Variants in MAP7D3 observed in about 807,000 individuals in gnomAD.
MAP7D3 encodes the protein MAP7 domain-containing protein 3.
MAP7D3 carries 45 observed loss-of-function variants against 62.2 expected under a neutral mutation model. The observed-to-expected ratio is 0.72, with a 90% CI of 0.57 to 0.93. The LOEUF is 0.93. MAP7D3 is among the 40% of genes least tolerant of loss of function. MAP7D3 has a pLI of 0.00. For missense variants in MAP7D3, 711 were observed against 683.1 expected (o/e 1.04, Z -0.45); for synonymous variants, 288 against 248.8 (o/e 1.16, Z -1.48).
rs866075049 is a variant in MAP7D3, at chrX:136,231,981, C to T, written c.976G>A (p.Gly326Ser). The T allele has an allele frequency of 2.5e-6, 3 of 1,210,488 alleles. No homozygotes were observed. The highest frequency in any genetic ancestry group is 3.4e-6 in the Non-Finnish European group (3 of 894,991). Residue 326 changes from glycine to serine, a missense_variant, in exon 8 of 19, where the codon GGT (glycine) becomes AGT (serine). By Grantham distance (56) the Gly-to-Ser change is moderately conservative. Transcript: ENST00000316077. ...NTSMEASPKA[G>S]VGMAPEVSTD... ...CTCACCTCAGGGGCCATGCCCACAC[C>T]TGCCTTGGGGGACGCTTCCATGCTT... is the stretch of plus-strand genomic sequence containing the variant.
At chrX:136,243,162 C>T in intron 4 of MAP7D3, among the ~76,000 whole-genome samples, 1 of 110,248 alleles carries the variant, frequency 9.1e-6, no homozygotes, top group Non-Finnish European at 1.9e-5. Flanking sequence ...GAGGAAGCTT[C>T]ATGGGAGAAA....
At position 136,227,277 on chromosome X, in the gene MAP7D3, A is replaced by T. The variant is rs777396181; in HGVS notation, c.2034+7T>A. Reference sequence around the variant, plus strand: ...TCATCCCCTGATAAAGTGTCAAGTCAGCAAACCTGCAGTGGTGCTTCCTGG... The same window carrying T: ...TCATCCCCTGATAAAGTGTCAAGTCTGCAAACCTGCAGTGGTGCTTCCTGG... On this transcript the variant is annotated splice_region_variant and intron_variant, in intron 12 of 18. Coordinates refer to ENST00000316077, the MANE Select transcript of MAP7D3 (RefSeq NM_024597.4). 9.9e-6 allele frequency: 12 copies of T among 1,208,554 alleles called. No individual in the cohort carries two copies. The East Asian group carries it at 3.3e-4, about 33-fold the overall frequency.
At chrX:136,249,800 C>T (rs779526109) in intron 1 of MAP7D3, among the ~76,000 whole-genome samples, 5 of 112,107 alleles carry the variant, frequency 4.5e-5, no homozygotes, top group Non-Finnish European at 7.5e-5. Context: ...GTCTAACATG[C>T]GATATTTACA....
intron 4 of MAP7D3, 31 bp from the exon 5 acceptor site, chrX:136,241,308 C>T: frequency 3.8e-6 from 3 of 787,092 alleles, no homozygotes; most frequent in Non-Finnish European, 5.6e-6. Flanking sequence ...CATATTTTTA[C>T]ATATTCATCA....
rs376263354 is a variant in MAP7D3, at chrX:136,241,223, C to T, written c.472G>A (p.Asp158Asn). The T allele has an allele frequency of 3.4e-6, 4 of 1,188,718 alleles. No individual in the cohort carries two copies. The highest frequency in any genetic ancestry group is 4.5e-6 in the Non-Finnish European group (4 of 882,678). ...RTLERRRLAD[D>N]YQQKRWSWGG... ...CATGACCATCTTTTTTGCTGATAAT[C>T]ATCAGCAAGTCTCCTCCGTTCCAAA... Residue 158 changes from aspartate (D) to asparagine (N), a missense_variant, in exon 5 of 19, where the codon GAT becomes AAT. By Grantham distance (23) the Asp-to-Asn change is conservative (BLOSUM62 1). Transcript: ENST00000316077.
chrX:136,219,039 C>T (rs1179208449), intron 18 of MAP7D3, among the ~76,000 whole-genome samples: 1 of 111,577 alleles, frequency 9.0e-6, no homozygotes, highest in Admixed American at 9.5e-5. Flanking sequence ...TTAGTAGAGA[C>T]AGGGTTTCAC....
intron 14 of MAP7D3, among the ~76,000 whole-genome samples, chrX:136,224,157 T>G (rs1474220247): frequency 9.2e-6 from 1 of 108,863 alleles, no homozygotes; most frequent in African/African-American, 3.3e-5. Flanking sequence ...TCCTAGCACT[T>G]TGGGAGGCTA....
intron 3 of MAP7D3, 118 bp from the exon 4 acceptor site, chrX:136,244,913 C>A: frequency 1.9e-6 from 1 of 520,884 alleles, no homozygotes; most frequent in Non-Finnish European, 3.1e-6. Flanking sequence ...TAAAATAACA[C>A]AACCTGTGCT....
At chrX:136,241,584 T>C (rs986234228) in intron 4 of MAP7D3, among the ~76,000 whole-genome samples, 5 of 111,958 alleles carry the variant, frequency 4.5e-5, no homozygotes, top group African/African-American at 1.6e-4. Context: ...TATACTTTTG[T>C]GCATGCTAAT....
intron 6 of MAP7D3, among the ~76,000 whole-genome samples, chrX:136,237,495 T>C (rs756015460): frequency 1.2e-4 from 14 of 112,367 alleles, no homozygotes; most frequent in Non-Finnish European, 2.6e-4. Flanking sequence ...AAGTTAAAGG[T>C]AAGACATTGT....
chrX:136,246,190 A>T (rs770187607), intron 2 of MAP7D3, 42 bp from the exon 3 acceptor site: 62 of 1,128,482 alleles, frequency 5.5e-5, no homozygotes, highest in Non-Finnish European at 7.4e-5. Flanking sequence ...TAGGATATCA[A>T]ATTTTAAAGA....
At chrX:136,241,320 A>C in intron 4 of MAP7D3, 43 bp from the exon 5 acceptor site, 1 of 743,040 alleles carries the variant, frequency 1.3e-6, no homozygotes. Context: ...TATTCATCAA[A>C]TTAGTATAAT....
intron 1 of MAP7D3, among the ~76,000 whole-genome samples, chrX:136,248,880 T>C (rs1336507901): frequency 8.9e-6 from 1 of 112,152 alleles, no homozygotes; most frequent in African/African-American, 3.2e-5. Flanking sequence ...TTGATTTAAC[T>C]GTAAATTTCA....
chrX:136,252,109 A>T (rs765694869), upstream of MAP7D3, among the ~76,000 whole-genome samples: 2 of 111,607 alleles, frequency 1.8e-5, no homozygotes, highest in East Asian at 5.7e-4. Context: ...ACCTCACTTC[A>T]TGGGGGCTTG....
intron 3 of MAP7D3, 96 bp from the exon 4 acceptor site, chrX:136,244,891 C>T: frequency 1.7e-6 from 1 of 600,073 alleles, no homozygotes; most frequent in South Asian, 3.0e-5. Flanking sequence ...TAACACATCT[C>T]ATTCACTTTC....
rs978858170 is a variant in MAP7D3 at position 136,249,457 on chromosome X, C to A, written c.70+1832G>T. Among the ~76,000 whole-genome samples the A allele has an allele frequency of 3.6e-5, 4 of 112,300 alleles. No homozygotes were observed. The Admixed American group carries it at 3.8e-4, about 11-fold the overall frequency. On this transcript the variant is annotated intron_variant, in intron 1 of 18. Coordinates refer to ENST00000316077, the MANE Select transcript of MAP7D3 (RefSeq NM_024597.4). The stretch of plus-strand genomic sequence containing the variant: ...ACAATTCTGCATAAAAATATAAACA[C>A]GTGTTTTGTTAAATATTTGGTATGC...
At chrX:136,252,676 C>CAAAAAAAA (rs770751343), upstream of MAP7D3, among the ~76,000 whole-genome samples, 63 of 36,013 alleles carry the variant, frequency 1.7e-3, no homozygotes, top group Middle Eastern at 0.083. Flanking sequence ...GACTCTGTCT[C>CAAAAAAAA]AAAAAAAAAA....
Position 136,251,398 on chromosome X carries a change from A to C in MAP7D3, c.-40T>G, listed in dbSNP as rs1455112548. 4 of 971,634 alleles carry C rather than the reference A, an allele frequency of 4.1e-6. No homozygotes were observed. Among genetic ancestry groups the C allele is most frequent in the East Asian group, 6.4e-5 (1 of 15,709 alleles). The allele number at this position is 971,634 out of a possible 1,213,427, so 80.1% of individuals were successfully genotyped here. A position where few individuals can be genotyped will look rare whatever the true frequency, so the allele number is the denominator to read the frequency against. ...GAGGCGGTGGTGGCTCTCCGCATAC[A>C]TTGCGCAGGCGTCGGCGCGGCCTCC... On this transcript the variant is annotated 5_prime_UTR_variant, in exon 1 of 19. The change abolishes an upstream ATG in the 5' untranslated region. Coordinates refer to ENST00000316077, the MANE Select transcript of MAP7D3 (RefSeq NM_024597.4).
chrX:136,224,876 A>G lies in MAP7D3; in HGVS notation c.2144T>C (p.Ile715Thr). ...LQERLERKKRIEEIMKRTRKT... is the reference protein window; with the variant it reads ...LQERLERKKRTEEIMKRTRKT... ...TCTTGTCCGCTTCATAATTTCTTCT[A>G]TTCTCTATTTAAAGGAAAATAAAAA... The change falls in exon 14 of 19, where the codon ATA (isoleucine) becomes ACA (threonine). Residue 715 changes from isoleucine to threonine, a missense_variant. Coordinates refer to ENST00000316077, the MANE Select transcript of MAP7D3 (RefSeq NM_024597.4). The G allele has an allele frequency of 8.7e-7, 1 of 1,147,021 alleles. No individual in the cohort carries two copies. The highest frequency in any genetic ancestry group is 1.2e-6 in the Non-Finnish European group (1 of 837,348). The allele number at this position is 1,147,021 out of a possible 1,213,427, so 94.5% of individuals were successfully genotyped here.
Sources: allele counts gnomAD v4.1 joint callset (sites outside exome capture counted in the v4.1 genomes callset), GRCh38; gene constraint gnomAD v4.1.1; transcripts MANE v1.5; gene names NCBI Gene and HGNC (gene_info 2026-07-23, HGNC 2026-07-21).